BICDL1: variants seen among roughly 807,000 people sequenced by gnomAD.
BICDL1 encodes BICD family like cargo adaptor 1.
Under a neutral mutation model 76.8 loss-of-function variants are expected in BICDL1, and 20 were observed. That is an observed-to-expected ratio of 0.26 (90% CI 0.18 to 0.38). BICDL1 has a LOEUF of 0.38. Among genes scored for constraint, BICDL1 ranks in the 10% least tolerant of loss-of-function variants. The probability of loss-of-function intolerance (pLI) is 1.00; values close to 1 mark genes in which losing one functional copy is unlikely to be tolerated. For missense variants in BICDL1, 700 were observed against 798.6 expected, an observed-to-expected ratio of 0.88 and a Z score of 1.49; for synonymous variants, 383 against 337.1, an observed-to-expected ratio of 1.14 and a Z score of -1.49.
At chr12:120,090,230 T>A in intron 9 of BICDL1, 159 bp downstream of exon 9, 11 of 794,040 alleles carry the variant, frequency 1.4e-5, no homozygotes, top group Non-Finnish European at 1.9e-5. Context: ...TCATGTCCCC[T>A]AGTCCTTGGG....
rs1875136412 is a variant in BICDL1 at position 120,093,176 on chromosome 12, G to A, written c.*15G>A. 1 of 1,571,130 alleles carries A rather than the reference G, an allele frequency of 6.4e-7. No individual in the cohort carries two copies. The highest frequency in any genetic ancestry group is 8.6e-7 in the Non-Finnish European group (1 of 1,157,456). On this transcript the variant is annotated 3_prime_UTR_variant, in exon 10 of 10. Coordinates refer to ENST00000548673, the MANE Select transcript of BICDL1 (RefSeq NM_001367886.1). ...GGAAAATTTAAGTTGGGAGGAGTCA[G>A]GCCACCAAAGATGGGTGGACTGGAG...
chr12:120,004,958 A>G (rs1951823908), intron 2 of BICDL1, among the ~76,000 whole-genome samples: 2 of 151,876 alleles, frequency 1.3e-5, no homozygotes, highest in Non-Finnish European at 2.9e-5. Flanking sequence ...AGTAGCTGGG[A>G]TTACAGGCGC....
chr12:120,091,003 C>T, intron 9 of BICDL1: 1 of 1,289,082 alleles, frequency 7.8e-7, no homozygotes, highest in Non-Finnish European at 1.0e-6. Context: ...TAGTTGTACA[C>T]CCCTCCTGCC....
intron 3 of BICDL1, among the ~76,000 whole-genome samples, chr12:120,062,770 A>T (rs1199409863): frequency 6.6e-6 from 1 of 152,034 alleles, no homozygotes; most frequent in Admixed American, 6.5e-5. Context: ...TGAAGTAAGT[A>T]GAGTTTGTTC....
At chr12:120,023,938 C>T (rs769511944) in intron 2 of BICDL1, among the ~76,000 whole-genome samples, 27 of 152,104 alleles carry the variant, frequency 1.8e-4, no homozygotes, top group South Asian at 4.1e-4. Flanking sequence ...GTTCTTAGAA[C>T]TGTACTTTGT....
chr12:120,008,884 A>G (rs894546505), intron 2 of BICDL1, among the ~76,000 whole-genome samples: 7 of 150,268 alleles, frequency 4.7e-5, no homozygotes, highest in African/African-American at 7.3e-5. Context: ...AGATTGTGCT[A>G]TTGCTAATTA....
intron 4 of BICDL1, among the ~76,000 whole-genome samples, chr12:120,069,582 C>T (rs921096208): frequency 6.6e-6 from 1 of 152,188 alleles, no homozygotes; most frequent in Non-Finnish European, 1.5e-5. Context: ...CAGCCTAGGG[C>T]CTTGCCTCTA....
intron 2 of BICDL1, among the ~76,000 whole-genome samples, chr12:120,002,312 TA>T (rs893900680): frequency 3.9e-5 from 6 of 152,192 alleles, no homozygotes; most frequent in African/African-American, 9.7e-5. Context: ...AATATATGGA[TA>T]GGGGAAGGGG....
chr12:120,083,059 C>T (rs11065015), intron 8 of BICDL1, among the ~76,000 whole-genome samples: 2,970 of 151,496 alleles, frequency 0.02, 60 homozygotes, highest in Non-Finnish European at 0.027. Context: ...GATGGGGTTT[C>T]ACCATGTTGG....
Position 120,090,013 on chromosome 12 carries a change from A to G in BICDL1, c.1646A>G (p.Gln549Arg). ...ATGGATATGATGTCTCTGAACAGCC[A>G]GTTGCTGGATGCCATTCAGCAGAAA... ...CRMDMMSLNSQLLDAIQQKLN... is the reference protein window; with the variant it reads ...CRMDMMSLNSRLLDAIQQKLN... The change falls in exon 9 of 10, where the codon CAG becomes CGG. Residue 549 changes from glutamine (Q) to arginine (R), a missense_variant. Gln to Arg is a conservative substitution (Grantham distance 43). This residue lies in a region of BICDL1 where 455 missense variants were observed against 548.7 expected (regional missense o/e 0.83). Coordinates refer to ENST00000548673, the MANE Select transcript of BICDL1 (RefSeq NM_001367886.1). The G allele has an allele frequency of 1.2e-6, 2 of 1,614,200 alleles. No homozygotes were observed. The highest frequency in any genetic ancestry group is 1.7e-6 in the Non-Finnish European group (2 of 1,180,016).
intron 2 of BICDL1, among the ~76,000 whole-genome samples, chr12:120,031,362 C>A (rs921272814): frequency 2.0e-5 from 3 of 151,838 alleles, no homozygotes; most frequent in Non-Finnish European, 4.4e-5. Context: ...CACCACCATG[C>A]CTGGCTAATT....
At chr12:120,000,934 CTT>C (rs775717535) in intron 2 of BICDL1, among the ~76,000 whole-genome samples, 6 of 152,278 alleles carry the variant, frequency 3.9e-5, no homozygotes, top group Admixed American at 6.5e-5. Flanking sequence ...AAAGCAGTGT[CTT>C]TATAATTTGT....
At chr12:120,006,818 G>A (rs1951859537) in intron 2 of BICDL1, among the ~76,000 whole-genome samples, 1 of 152,152 alleles carries the variant, frequency 6.6e-6, no homozygotes. Context: ...TAGTCAGTGT[G>A]CTGGGAAGCC....
intron 2 of BICDL1, among the ~76,000 whole-genome samples, chr12:120,019,940 C>G (rs1952145206): frequency 6.6e-6 from 1 of 152,126 alleles, no homozygotes; most frequent in Non-Finnish European, 1.5e-5. Flanking sequence ...GATGAAGAAC[C>G]AGGCAAGCAA....
intron 2 of BICDL1, among the ~76,000 whole-genome samples, chr12:120,009,888 C>T (rs747395162): frequency 6.6e-6 from 1 of 152,244 alleles, no homozygotes; most frequent in Non-Finnish European, 1.5e-5. Flanking sequence ...ACATTGGCAT[C>T]TGGGCCAATA....
intron 8 of BICDL1, among the ~76,000 whole-genome samples, chr12:120,089,740 G>A (rs1874801087): frequency 6.6e-6 from 1 of 152,210 alleles, no homozygotes; most frequent in African/African-American, 2.4e-5. Flanking sequence ...TCACCTACAG[G>A]TTGGTTATGA....
chr12:120,080,243 G>C (rs986007920), intron 7 of BICDL1, among the ~76,000 whole-genome samples: 2 of 152,246 alleles, frequency 1.3e-5, no homozygotes, highest in Non-Finnish European at 2.9e-5. Flanking sequence ...TTGACTCCCA[G>C]CTGGGGCACA....
chr12:120,023,683 A>G lies in BICDL1; in HGVS notation c.645+24947A>G, dbSNP rs143538157. Reference sequence around the variant, plus strand: ...CAGGCACCTGTAATCCCAGCTACTCAGGAGGCTGAGGTAGGAGAATCGCTT... The same window carrying G: ...CAGGCACCTGTAATCCCAGCTACTCGGGAGGCTGAGGTAGGAGAATCGCTT... On this transcript the variant is annotated intron_variant, in intron 2 of 9. Coordinates refer to ENST00000548673, the MANE Select transcript of BICDL1 (RefSeq NM_001367886.1). Among the ~76,000 whole-genome samples the G allele has an allele frequency of 3.7e-3, 566 of 152,146 alleles. 11 individuals are homozygous for G. In the South Asian group the frequency reaches 0.055, roughly 15 times the overall value.
chr12:120,024,274 C>T (rs1035472488), intron 2 of BICDL1, among the ~76,000 whole-genome samples: 1 of 152,120 alleles, frequency 6.6e-6, no homozygotes, highest in Non-Finnish European at 1.5e-5. Context: ...GAGCAAGACT[C>T]CATCTCAAAA....
Sources: allele counts gnomAD v4.1 joint callset (sites outside exome capture counted in the v4.1 genomes callset), GRCh38; gene constraint gnomAD v4.1.1; regional missense constraint gnomAD v4.1.1; transcripts MANE v1.5; gene names NCBI Gene and HGNC (gene_info 2026-07-23, HGNC 2026-07-21).